Variants in MAP3K19 observed in about 807,000 individuals in gnomAD.
The protein encoded by MAP3K19 is SPS1/STE20-related protein kinase YSK4.
In MAP3K19, 91 loss-of-function variants were observed where a neutral mutation model predicts 114.4. The ratio of observed to expected loss-of-function variants is 0.80; its 90% CI spans 0.67 to 0.95. The LOEUF is 0.95. MAP3K19 is among the 40% of genes least tolerant of loss of function. MAP3K19 has a pLI of 0.00. For synonymous variants in MAP3K19, 518 were observed against 530.5 expected, an observed-to-expected ratio of 0.98 and a Z score of 0.32; for missense variants, 1,471 against 1,573.2, an observed-to-expected ratio of 0.94 and a Z score of 1.10.
intron 1 of MAP3K19, among the ~76,000 whole-genome samples, chr2:135,043,273 G>A (rs1466719824): frequency 2.0e-5 from 3 of 152,154 alleles, no homozygotes; most frequent in African/African-American, 7.2e-5. Flanking sequence ...GTAAACAAGT[G>A]TGTGTGGTTG....
chr2:134,984,553 C>T (rs1317296032), intron 10 of MAP3K19, among the ~76,000 whole-genome samples: 1 of 152,192 alleles, frequency 6.6e-6, no homozygotes, highest in Non-Finnish European at 1.5e-5. Flanking sequence ...TTACCATCCA[C>T]AAGCCAGACT....
At chr2:134,975,689 C>G (rs369153939) in intron 12 of MAP3K19, among the ~76,000 whole-genome samples, 10 of 152,284 alleles carry the variant, frequency 6.6e-5, no homozygotes, top group South Asian at 2.1e-4. Flanking sequence ...GCAGGTGGCT[C>G]TCAGGTTCCA....
intron 2 of MAP3K19, among the ~76,000 whole-genome samples, chr2:135,034,992 GAC>G (rs935236895): frequency 1.3e-5 from 2 of 152,086 alleles, no homozygotes; most frequent in African/African-American, 4.8e-5. Flanking sequence ...ATAAAGTATT[GAC>G]ACATGCTACA....
rs147345543 is a variant in MAP3K19 at position 134,980,780 on chromosome 2, T to A, written c.3920+41A>T. On this transcript the variant is annotated intron_variant, in intron 12 of 12. Coordinates refer to ENST00000392915, the MANE Select transcript of MAP3K19 (RefSeq NM_025052.5). ...AGGGAAATGTCTGCCACTTGGAATC[T>A]CCGGGCATTTATCTTCCTCCTCTTG... 271 of 1,563,944 alleles carry A rather than the reference T, an allele frequency of 1.7e-4. 2 individuals are homozygous for A. The East Asian group carries it at 6.1e-3, about 35-fold the overall frequency.
At chr2:135,012,935 C>T (rs1687331616) in intron 5 of MAP3K19, among the ~76,000 whole-genome samples, 1 of 147,050 alleles carries the variant, frequency 6.8e-6, no homozygotes, top group Non-Finnish European at 1.5e-5. Flanking sequence ...CAGAACAAAC[C>T]CCCAAACCCT....
At chr2:134,977,324 G>C (rs1173199854) in intron 12 of MAP3K19, among the ~76,000 whole-genome samples, 1 of 148,730 alleles carries the variant, frequency 6.7e-6, no homozygotes, top group Non-Finnish European at 1.5e-5. Flanking sequence ...TGGGACTACA[G>C]GTGTACACAA....
rs373307180 is a variant in MAP3K19, at chr2:135,011,035, A to G, written c.139-5504T>C. Among the ~76,000 whole-genome samples the G allele has an allele frequency of 3.9e-5, 6 of 152,302 alleles. No individual in the cohort carries two copies. In the East Asian group the frequency reaches 1.2e-3, roughly 29 times the overall value. ...TGTCCTACATGCAAGGCAGCTGCTTATATTTGTAAACTATAAAAACCTATT... is the reference window on the plus strand; with the variant it reads ...TGTCCTACATGCAAGGCAGCTGCTTGTATTTGTAAACTATAAAAACCTATT... On this transcript the variant is annotated intron_variant, in intron 5 of 12. Coordinates refer to ENST00000392915, the MANE Select transcript of MAP3K19 (RefSeq NM_025052.5).
intron 8 of MAP3K19, among the ~76,000 whole-genome samples, chr2:134,997,817 C>CAAAAAA (rs1187957592): frequency 3.3e-5 from 3 of 91,024 alleles, no homozygotes; most frequent in Non-Finnish European, 4.4e-5. Context: ...GACTCCGTCT[C>CAAAAAA]AAAAAAAAAA....
At chr2:135,029,957 A>C (rs1265266948) in intron 3 of MAP3K19, among the ~76,000 whole-genome samples, 1 of 152,208 alleles carries the variant, frequency 6.6e-6, no homozygotes, top group African/African-American at 2.4e-5. Flanking sequence ...ACTGGTCCAA[A>C]GGGATCAAAG....
At chr2:134,974,071 G>A (rs1398616750) in intron 12 of MAP3K19, among the ~76,000 whole-genome samples, 1 of 151,908 alleles carries the variant, frequency 6.6e-6, no homozygotes, top group Non-Finnish European at 1.5e-5. Context: ...GCACAATCTC[G>A]GCTCACTGCA....
intron 6 of MAP3K19, among the ~76,000 whole-genome samples, chr2:135,000,582 T>C (rs1033119870): frequency 2.0e-5 from 3 of 152,242 alleles, no homozygotes; most frequent in African/African-American, 4.8e-5. Context: ...TCATTCCTTT[T>C]TTCCATTTAA....
Position 134,968,558 on chromosome 2 carries a change from T to C in MAP3K19, c.3921-3642A>G, listed in dbSNP as rs1311413118. On this transcript the variant is annotated intron_variant, in intron 12 of 12. Transcript: ENST00000392915. ...GACGCTCCTCACTTCCCAGACGGGG[T>C]GGCTGCCGGGCGGAGGGGCTCCTCA... is the stretch of plus-strand genomic sequence containing the variant. 4.4e-3 allele frequency among the ~76,000 whole-genome samples: 646 copies of C among 146,872 alleles called. 4 individuals are homozygous for C. Among genetic ancestry groups the C allele is most frequent in the African/African-American group, 0.014 (549 of 38,286 alleles).
At chr2:134,988,376 A>G (rs765699955) in intron 9 of MAP3K19, 123 bp from the exon 10 acceptor site, 5 of 797,870 alleles carry the variant, frequency 6.3e-6, no homozygotes, top group African/African-American at 1.8e-5. Flanking sequence ...GTTCAAAGCT[A>G]TCCTGGAAAT....
chr2:134,997,689 T>C (rs1263304514), intron 8 of MAP3K19, among the ~76,000 whole-genome samples: 2 of 151,808 alleles, frequency 1.3e-5, no homozygotes, highest in African/African-American at 4.8e-5. Flanking sequence ...CGTGGTGGCA[T>C]GCGCCTGTAG....
intron 12 of MAP3K19, among the ~76,000 whole-genome samples, chr2:134,975,692 A>G (rs1266225908): frequency 1.3e-5 from 2 of 152,168 alleles, no homozygotes; most frequent in South Asian, 2.1e-4. Context: ...GGTGGCTCTC[A>G]GGTTCCAGGG....
At chr2:135,005,321 G>A in intron 6 of MAP3K19, 114 bp downstream of exon 6, 1 of 754,030 alleles carries the variant, frequency 1.3e-6, no homozygotes, top group Non-Finnish European at 2.3e-6. Flanking sequence ...TCTACCCTCT[G>A]ATAGGCTCCA....
chr2:134,994,815 AATTCAACTGATATGTGAGGATATGTG>A (rs1267264346), intron 8 of MAP3K19, among the ~76,000 whole-genome samples: 1 of 152,178 alleles, frequency 6.6e-6, no homozygotes, highest in Non-Finnish European at 1.5e-5. Context: ...TTTAGATACA[AATTCAACTGATATGTGAGGATATGTG>A]ATTCAACTGA....
At chr2:135,046,148 G>C (rs987233404) in intron 1 of MAP3K19, among the ~76,000 whole-genome samples, 1 of 152,116 alleles carries the variant, frequency 6.6e-6, no homozygotes, top group Non-Finnish European at 1.5e-5. Context: ...CCCAGGCTTA[G>C]TCACAAACCC....
rs778457024 is a variant in MAP3K19 at position 134,985,921 on chromosome 2, T to C, written c.2951A>G (p.Asp984Gly). ...AAELLALDEK[D>G]NNSCQKMANE... Reference sequence around the variant, plus strand: ...TGCCATTTTTTGGCAAGAGTTGTTATCTTTCTCATCAAGAGCTAATAATTC... The same window carrying C: ...TGCCATTTTTTGGCAAGAGTTGTTACCTTTCTCATCAAGAGCTAATAATTC... Residue 984 changes from aspartate to glycine, a missense_variant, in exon 10 of 13, where the codon GAT (aspartate) becomes GGT (glycine). Coordinates refer to ENST00000392915, the MANE Select transcript of MAP3K19 (RefSeq NM_025052.5). The C allele has an allele frequency of 4.3e-6, 7 of 1,614,164 alleles. No individual in the cohort carries two copies. Among genetic ancestry groups the C allele is most frequent in the Non-Finnish European group, 5.1e-6 (6 of 1,180,014 alleles).
Sources: allele counts gnomAD v4.1 joint callset (sites outside exome capture counted in the v4.1 genomes callset), GRCh38; gene constraint gnomAD v4.1.1; transcripts MANE v1.5; gene names NCBI Gene and HGNC (gene_info 2026-07-23, HGNC 2026-07-21).